The following DHRSX variants were observed in gnomAD, a reference collection of about 807,000 sequenced individuals.
DHRSX encodes polyprenol dehydrogenase.
In DHRSX, 31 loss-of-function variants were observed where a neutral mutation model predicts 34.0. The observed-to-expected ratio is 0.91, with a 90% CI of 0.69 to 1.23. DHRSX has a LOEUF of 1.23. Ranked by LOEUF, DHRSX falls within the 50% of genes most tolerant of loss-of-function variation. The pLI, the probability that DHRSX is intolerant of heterozygous loss-of-function variation, is 0.00. For synonymous variants in DHRSX, 201 were observed against 183.8 expected, an observed-to-expected ratio of 1.09 and a Z score of -0.76; for missense variants, 414 against 428.1, an observed-to-expected ratio of 0.97 and a Z score of 0.29.
chrX:2,337,302 T>C (rs2042581240), intron 3 of DHRSX, among the ~76,000 whole-genome samples: 1 of 152,072 alleles, frequency 6.6e-6, no homozygotes, highest in African/African-American at 2.4e-5. Flanking sequence ...TTTCATTCTA[T>C]ATTCTTTCAC....
chrX:2,449,614 G>A (rs1457425396), intron 1 of DHRSX, among the ~76,000 whole-genome samples: 1 of 151,958 alleles, frequency 6.6e-6, no homozygotes, highest in Non-Finnish European at 1.5e-5. Flanking sequence ...TTCAGCCTCA[G>A]CCTCCCAAGT....
chrX:2,303,877 G>GGATGGATGGA (rs1569485755), intron 3 of DHRSX, among the ~76,000 whole-genome samples: 57 of 56,256 alleles, frequency 1.0e-3, no homozygotes, highest in African/African-American at 3.0e-3. Context: ...GGGTGGATGG[G>GGATGGATGGA]TGGATGGATG....
chrX:2,251,062 C>A (rs1171069496), intron 5 of DHRSX, among the ~76,000 whole-genome samples: 2 of 152,130 alleles, frequency 1.3e-5, no homozygotes, highest in Non-Finnish European at 2.9e-5. Flanking sequence ...AAGTGACTCC[C>A]CCATTAACAC....
intron 1 of DHRSX, among the ~76,000 whole-genome samples, chrX:2,430,140 G>GT (rs2043899199): frequency 6.6e-6 from 1 of 151,728 alleles, no homozygotes; most frequent in Non-Finnish European, 1.5e-5. Flanking sequence ...TCGGGTCTCG[G>GT]TGAGGATGTC....
At chrX:2,363,482 G>A (rs1234648804) in intron 3 of DHRSX, among the ~76,000 whole-genome samples, 9 of 136,950 alleles carry the variant, frequency 6.6e-5, no homozygotes, top group East Asian at 2.4e-4. Flanking sequence ...GTATCATGCC[G>A]CCATTTTATC....
intron 5 of DHRSX, among the ~76,000 whole-genome samples, chrX:2,255,811 G>A (rs2041269137): frequency 6.6e-6 from 1 of 151,784 alleles, no homozygotes. Context: ...CTACCCGGGA[G>A]GCTGAGACAG....
intron 3 of DHRSX, among the ~76,000 whole-genome samples, chrX:2,350,131 CAGTT>C (rs2042772099): frequency 6.6e-6 from 1 of 152,056 alleles, no homozygotes; most frequent in Non-Finnish European, 1.5e-5. Flanking sequence ...AGATCACTTG[CAGTT>C]AGTTAGGAGT....
Position 2,220,669 on chromosome X carries a change from C to T in DHRSX, c.*372G>A, listed in dbSNP as rs1198333631. The T allele has an allele frequency of 2.3e-5, 5 of 213,870 alleles. No homozygotes were observed. Among genetic ancestry groups the T allele is most frequent in the Non-Finnish European group, 4.6e-5 (5 of 108,034 alleles). 13.2% of individuals were successfully genotyped at this position (213,870 alleles called of 1,614,324 possible). ...CAGGAGACCTCATCCACCACTAGGTCTCAGAGAGGACATTGCAGCCCCTGA... is the reference window on the plus strand; with the variant it reads ...CAGGAGACCTCATCCACCACTAGGTTTCAGAGAGGACATTGCAGCCCCTGA... On this transcript the variant is annotated 3_prime_UTR_variant, in exon 7 of 7. Coordinates refer to ENST00000334651, the MANE Select transcript of DHRSX (RefSeq NM_145177.3).
At chrX:2,283,042 G>A (rs2041749515) in intron 4 of DHRSX, among the ~76,000 whole-genome samples, 1 of 151,572 alleles carries the variant, frequency 6.6e-6, no homozygotes, top group African/African-American at 2.4e-5. Context: ...AGAAGGAGGA[G>A]AGAGAGACAG....
At chrX:2,402,009 A>G (rs1251038368) in intron 3 of DHRSX, among the ~76,000 whole-genome samples, 1 of 152,204 alleles carries the variant, frequency 6.6e-6, no homozygotes, top group Non-Finnish European at 1.5e-5. Context: ...TCAAAGACAG[A>G]AAGTACAACA....
intron 3 of DHRSX, among the ~76,000 whole-genome samples, chrX:2,336,094 G>A (rs1260394181): frequency 6.6e-6 from 1 of 151,556 alleles, no homozygotes. Context: ...TGCAACCTCC[G>A]CCTCTCAATT....
intron 3 of DHRSX, among the ~76,000 whole-genome samples, chrX:2,382,678 CCATCACCAT>C (rs2043220564): frequency 1.1e-3 from 57 of 52,224 alleles, no homozygotes; most frequent in African/African-American, 3.2e-3. Flanking sequence ...ATCATCATCA[CCATCACCAT>C]CATCACCATC....
intron 2 of DHRSX, among the ~76,000 whole-genome samples, chrX:2,417,113 C>T: frequency 6.6e-6 from 1 of 152,310 alleles, no homozygotes; most frequent in Non-Finnish European, 1.5e-5. Flanking sequence ...TAAACACTGA[C>T]ATCAGGAGCT....
At chrX:2,253,237 G>T (rs372853765) in intron 5 of DHRSX, among the ~76,000 whole-genome samples, 229 of 150,742 alleles carry the variant, frequency 1.5e-3, no homozygotes, top group African/African-American at 5.3e-3. Context: ...AGCCAAGATG[G>T]CGCCACGGCA....
intron 5 of DHRSX, among the ~76,000 whole-genome samples, chrX:2,259,406 A>ATG (rs2124452182): frequency 1.4e-5 from 2 of 144,498 alleles, no homozygotes; most frequent in Non-Finnish European, 3.1e-5. Context: ...ATATATATAT[A>ATG]GATATAGATA....
intron 3 of DHRSX, among the ~76,000 whole-genome samples, chrX:2,364,941 GTATCCATCATC>G (rs2042980175): frequency 6.6e-6 from 1 of 151,856 alleles, no homozygotes; most frequent in African/African-American, 2.4e-5. Context: ...ATCTATCTAT[GTATCCATCATC>G]TATCTATATC....
rs1045738811 is a variant in DHRSX at position 2,376,637 on chromosome X, A to G, written c.286+32108T>C. On this transcript the variant is annotated intron_variant, in intron 3 of 6. Transcript: ENST00000334651. ...TTGCATACAACTAGGTTGTCATTGC[A>G]TACAATTAGGTTGCATTAGAGTAGT... Among the ~76,000 whole-genome samples, 87 of 137,770 alleles carry G rather than the reference A, an allele frequency of 6.3e-4. 20 individuals are homozygous for G. Among genetic ancestry groups the G allele is most frequent in the Non-Finnish European group, 8.6e-4 (50 of 58,314 alleles). The allele number at this position is 137,770 out of a possible 152,430, so 90.4% of individuals were successfully genotyped here.
chrX:2,343,186 C>T (rs1345124606), intron 3 of DHRSX, among the ~76,000 whole-genome samples: 1 of 152,142 alleles, frequency 6.6e-6, no homozygotes, highest in Non-Finnish European at 1.5e-5. Context: ...CATTCTGAAC[C>T]TATGATAAGC....
At chrX:2,499,015 TCA>T (rs1188032757) in intron 1 of DHRSX, among the ~76,000 whole-genome samples, 1 of 152,188 alleles carries the variant, frequency 6.6e-6, no homozygotes, top group African/African-American at 2.4e-5. Flanking sequence ...AAAGCTTAGC[TCA>T]CAGAAAACTC....
Sources: gnomAD v4.1 joint callset for allele counts (sites outside exome capture counted in the v4.1 genomes callset) on GRCh38, gnomAD v4.1.1 for gene constraint, MANE v1.5 for transcripts, NCBI Gene and HGNC (gene_info 2026-07-23, HGNC 2026-07-21) for gene names.